Variants in MCU observed in about 807,000 individuals in gnomAD.
The protein encoded by MCU is mitochondrial calcium uniporter, also known as calcium uniporter protein, mitochondrial.
A neutral mutation model predicts 45.2 loss-of-function variants in MCU; 12 were observed. That is an observed-to-expected ratio of 0.27 (90% CI 0.17 to 0.43). MCU has a LOEUF of 0.43. Ranked by LOEUF, MCU falls within the 20% of genes least tolerant of loss-of-function variation. MCU has a pLI of 1.00. For synonymous variants in MCU, 160 were observed against 165.1 expected, an observed-to-expected ratio of 0.97 and a Z score of 0.24; for missense variants, 324 against 436.7, an observed-to-expected ratio of 0.74 and a Z score of 2.30.
At chr10:72,854,371 CAT>C (rs1444865957) in intron 2 of MCU, among the ~76,000 whole-genome samples, 41 of 152,016 alleles carry the variant, frequency 2.7e-4, no homozygotes, top group African/African-American at 9.7e-4. Flanking sequence ...TACACAAACT[CAT>C]ATCATATACT....
At chr10:72,813,271 G>T (rs1321641444) in intron 1 of MCU, among the ~76,000 whole-genome samples, 1 of 150,144 alleles carries the variant, frequency 6.7e-6, no homozygotes, top group African/African-American at 2.4e-5. Context: ...TTAACATTTA[G>T]AGTCAGTGTC....
intron 1 of MCU, among the ~76,000 whole-genome samples, chr10:72,768,497 T>C (rs1303295370): frequency 6.6e-6 from 1 of 152,232 alleles, no homozygotes; most frequent in Admixed American, 6.5e-5. Context: ...CAAACCTCTT[T>C]TGTAATATTG....
chr10:72,757,071 AC>A (rs1210501013), intron 1 of MCU: 1 of 152,182 alleles, frequency 6.6e-6, no homozygotes, highest in African/African-American at 2.4e-5. Flanking sequence ...TGAAAAAGCT[AC>A]TTAACATTTC....
At chr10:72,811,089 T>A (rs1248283396) in intron 1 of MCU, among the ~76,000 whole-genome samples, 2 of 152,340 alleles carry the variant, frequency 1.3e-5, no homozygotes, top group African/African-American at 4.8e-5. Context: ...CTTTATTAGT[T>A]TACCAACTGG....
intron 6 of MCU, among the ~76,000 whole-genome samples, chr10:72,883,012 C>T (rs1265762976): frequency 5.3e-5 from 8 of 152,040 alleles, no homozygotes; most frequent in African/African-American, 1.7e-4. Context: ...GCAGATTCCC[C>T]GATAACTATT....
intron 1 of MCU, among the ~76,000 whole-genome samples, chr10:72,741,507 TAGAG>T (rs1451840413): frequency 1.3e-5 from 2 of 152,206 alleles, no homozygotes; most frequent in African/African-American, 2.4e-5. Context: ...AGGATAAACA[TAGAG>T]AGACAGTCTT....
At chr10:72,720,845 G>T (rs970995021) in intron 1 of MCU, among the ~76,000 whole-genome samples, 4 of 152,048 alleles carry the variant, frequency 2.6e-5, no homozygotes, top group Non-Finnish European at 2.9e-5. Flanking sequence ...GATATGTAAC[G>T]TGCATCTAAG....
intron 1 of MCU, among the ~76,000 whole-genome samples, chr10:72,720,829 G>C (rs1272660123): frequency 6.6e-6 from 1 of 152,118 alleles, no homozygotes; most frequent in Admixed American, 6.5e-5. Context: ...ACCCTTAATA[G>C]CTGAAGATAT....
chr10:72,850,614 A>G (rs1239985890), intron 2 of MCU, among the ~76,000 whole-genome samples: 1 of 152,220 alleles, frequency 6.6e-6, no homozygotes, highest in African/African-American at 2.4e-5. Context: ...CCTCAAAGGC[A>G]TTTTTAAAAT....
intron 1 of MCU, among the ~76,000 whole-genome samples, chr10:72,829,543 T>G (rs1844849111): frequency 6.6e-6 from 1 of 151,778 alleles, no homozygotes; most frequent in Non-Finnish European, 1.5e-5. Flanking sequence ...TTTTTTAACT[T>G]CTTGATATAT....
intron 1 of MCU, among the ~76,000 whole-genome samples, chr10:72,816,896 A>G (rs988118547): frequency 6.6e-6 from 1 of 152,256 alleles, no homozygotes; most frequent in Admixed American, 6.5e-5. Context: ...CATTATTTAA[A>G]TAATTGCATT....
At chr10:72,809,519 C>T (rs1295757050) in intron 1 of MCU, among the ~76,000 whole-genome samples, 3 of 152,026 alleles carry the variant, frequency 2.0e-5, no homozygotes, top group Non-Finnish European at 4.4e-5. Context: ...AAAAGTTTGA[C>T]GTACAATTAA....
chr10:72,714,053 G>A (rs970762211), intron 1 of MCU, among the ~76,000 whole-genome samples: 3 of 150,504 alleles, frequency 2.0e-5, no homozygotes, highest in South Asian at 2.1e-4. Context: ...TGCAACCTCC[G>A]CATCCCTGGT....
At chr10:72,825,940 C>T (rs534668727) in intron 1 of MCU, among the ~76,000 whole-genome samples, 11 of 152,250 alleles carry the variant, frequency 7.2e-5, no homozygotes, top group Non-Finnish European at 1.2e-4. Flanking sequence ...TGAAACTCAA[C>T]GCATTGGTTT....
chr10:72,740,475 T>G (rs2132695955), intron 1 of MCU, among the ~76,000 whole-genome samples: 1 of 152,350 alleles, frequency 6.6e-6, no homozygotes, highest in South Asian at 2.1e-4. Flanking sequence ...CATAATTTGT[T>G]AATAGTGAAA....
intron 1 of MCU, among the ~76,000 whole-genome samples, chr10:72,723,847 G>T (rs992962525): frequency 6.6e-6 from 1 of 152,138 alleles, no homozygotes; most frequent in Non-Finnish European, 1.5e-5. Flanking sequence ...GATAGAATAG[G>T]TTACCGCCCT....
chr10:72,738,320 G>GAGCC (rs1843279166), intron 1 of MCU, among the ~76,000 whole-genome samples: 1 of 152,174 alleles, frequency 6.6e-6, no homozygotes, highest in Non-Finnish European at 1.5e-5. Flanking sequence ...GTGAAGAAGA[G>GAGCC]AGCCAATCAT....
intron 1 of MCU, among the ~76,000 whole-genome samples, chr10:72,832,962 C>G (rs1397338582): frequency 3.1e-4 from 11 of 35,494 alleles, no homozygotes; most frequent in African/African-American, 9.2e-4. Flanking sequence ...GTGTGTGTGT[C>G]TAGATAAACT....
At chr10:72,786,795 A>G (rs948779628) in intron 1 of MCU, among the ~76,000 whole-genome samples, 4 of 152,168 alleles carry the variant, frequency 2.6e-5, no homozygotes, top group Admixed American at 2.6e-4. Context: ...TTGAAGCACA[A>G]AAGCACTGCT....
Sources: allele counts gnomAD v4.1 joint callset (sites outside exome capture counted in the v4.1 genomes callset), GRCh38; gene constraint gnomAD v4.1.1; transcripts MANE v1.5; gene names NCBI Gene and HGNC (gene_info 2026-07-23, HGNC 2026-07-21).